PTPN13: variants seen among roughly 807,000 people sequenced by gnomAD.
PTPN13 encodes tyrosine-protein phosphatase non-receptor type 13.
PTPN13 carries 191 observed loss-of-function variants against 284.0 expected under a neutral mutation model. The ratio of observed to expected loss-of-function variants is 0.67; its 90% CI spans 0.60 to 0.76. PTPN13 has a LOEUF of 0.76. Ranked by LOEUF, PTPN13 falls within the 30% of genes least tolerant of loss-of-function variation. PTPN13 has a pLI of 0.00. For synonymous variants in PTPN13, 986 were observed against 1,022.3 expected (o/e 0.96, Z 0.68); for missense variants, 2,797 against 2,939.9 (o/e 0.95, Z 1.12).
chr4:86,719,357 ATTTTCTT>A (rs1410401330), intron 9 of PTPN13, among the ~76,000 whole-genome samples: 1 of 152,008 alleles, frequency 6.6e-6, no homozygotes, highest in Admixed American at 6.5e-5. Context: ...TATGTACCAC[ATTTTCTT>A]TATACAATCT....
At chr4:86,728,625 T>A (rs1251371873) in intron 10 of PTPN13, among the ~76,000 whole-genome samples, 3 of 138,532 alleles carry the variant, frequency 2.2e-5, no homozygotes. Context: ...CATCAGAGAC[T>A]AGGATTGCAA....
chr4:86,781,724 C>T (rs950973230), intron 36 of PTPN13, among the ~76,000 whole-genome samples: 20 of 123,294 alleles, frequency 1.6e-4, no homozygotes, highest in Non-Finnish European at 2.6e-4. Flanking sequence ...CAGCACTTTG[C>T]GAGGCCGAGG....
At chr4:86,776,168 A>T (rs1326465988) in intron 35 of PTPN13, among the ~76,000 whole-genome samples, 4 of 152,050 alleles carry the variant, frequency 2.6e-5, no homozygotes, top group Admixed American at 6.6e-5. Context: ...CTGGTCTCGA[A>T]CTCCTGACCT....
intron 42 of PTPN13, among the ~76,000 whole-genome samples, chr4:86,800,412 T>A (rs1361666784): frequency 6.6e-6 from 1 of 151,980 alleles, no homozygotes; most frequent in Admixed American, 6.6e-5. Flanking sequence ...CCTAGCACTT[T>A]GGGAGGCCAA....
At chr4:86,805,252 A>C (rs963584286) in intron 43 of PTPN13, 27 bp from the exon 44 acceptor site, 2 of 1,470,960 alleles carry the variant, frequency 1.4e-6, no homozygotes. Context: ...TTATCTCAAC[A>C]AATTTATTTC....
intron 12 of PTPN13, among the ~76,000 whole-genome samples, chr4:86,733,632 C>CT (rs1189926658): frequency 6.6e-6 from 1 of 152,036 alleles, no homozygotes; most frequent in Non-Finnish European, 1.5e-5. Flanking sequence ...TGTTCTATCA[C>CT]TTTACTAGTT....
intron 2 of PTPN13, among the ~76,000 whole-genome samples, chr4:86,669,708 G>T (rs1032686090): frequency 1.3e-5 from 2 of 152,076 alleles, no homozygotes; most frequent in Non-Finnish European, 2.9e-5. Context: ...GCCTTTTCTG[G>T]TCTGGGTGGA....
intron 23 of PTPN13, among the ~76,000 whole-genome samples, chr4:86,761,693 A>G (rs111252925): frequency 2.6e-5 from 4 of 152,214 alleles, no homozygotes; most frequent in African/African-American, 7.2e-5. Context: ...TACTATTTGT[A>G]TTTTACTCTG....
At chr4:86,600,199 A>G (rs1764173369) in intron 1 of PTPN13, among the ~76,000 whole-genome samples, 1 of 152,122 alleles carries the variant, frequency 6.6e-6, no homozygotes, top group African/African-American at 2.4e-5. Context: ...TTTGGAAGCT[A>G]AGACTGTGTC....
chr4:86,751,168 TC>T, intron 19 of PTPN13, 44 bp downstream of exon 19: 1 of 1,346,256 alleles, frequency 7.4e-7, no homozygotes, highest in Non-Finnish European at 1.0e-6. Flanking sequence ...TACCTCATGC[TC>T]AGAGGGAAGT....
intron 7 of PTPN13, among the ~76,000 whole-genome samples, chr4:86,716,043 CATTTCAAATTCTT>C (rs760851853): frequency 1.2e-4 from 18 of 152,216 alleles, no homozygotes; most frequent in Non-Finnish European, 2.5e-4. Context: ...TTGTCTTCCA[CATTTCAAATTCTT>C]TGAGATTGTT....
intron 40 of PTPN13, among the ~76,000 whole-genome samples, chr4:86,790,608 CAGG>C (rs1384859475): frequency 6.6e-6 from 1 of 152,098 alleles, no homozygotes; most frequent in Non-Finnish European, 1.5e-5. Flanking sequence ...AAAACATCTT[CAGG>C]AGGAGAAGAC....
chr4:86,634,498 A>G (rs899051820), intron 1 of PTPN13, among the ~76,000 whole-genome samples: 30 of 152,194 alleles, frequency 2.0e-4, no homozygotes, highest in African/African-American at 6.5e-4. Flanking sequence ...AAATTTCAGC[A>G]CAGACACTTA....
At chr4:86,666,538 G>A (rs1338831993) in intron 2 of PTPN13, among the ~76,000 whole-genome samples, 2 of 152,126 alleles carry the variant, frequency 1.3e-5, no homozygotes, top group African/African-American at 4.8e-5. Context: ...GATCTTTAGG[G>A]AAATTATAAT....
chr4:86,760,638 G>C (rs1467693967), intron 23 of PTPN13, among the ~76,000 whole-genome samples: 1 of 152,112 alleles, frequency 6.6e-6, no homozygotes, highest in Non-Finnish European at 1.5e-5. Flanking sequence ...TTAACAAGAG[G>C]CCCAAGGTGC....
chr4:86,762,607 A>G, intron 23 of PTPN13, 120 bp from the exon 24 acceptor site: 1 of 765,534 alleles, frequency 1.3e-6, no homozygotes, highest in Non-Finnish European at 2.1e-6. Flanking sequence ...ACATGACCTA[A>G]TGGTGTTTTG....
intron 1 of PTPN13, among the ~76,000 whole-genome samples, chr4:86,629,593 T>G (rs1208468032): frequency 6.6e-6 from 1 of 152,188 alleles, no homozygotes; most frequent in South Asian, 2.1e-4. Context: ...GTTTTTCTAA[T>G]CTGGGTCATG....
At chr4:86,761,139 A>ATATATATAT (rs1738622051) in intron 23 of PTPN13, among the ~76,000 whole-genome samples, 4 of 120,694 alleles carry the variant, frequency 3.3e-5, no homozygotes, top group East Asian at 2.6e-4. Flanking sequence ...TGTGTGTGTA[A>ATATATATAT]ATATATATAT....
intron 7 of PTPN13, among the ~76,000 whole-genome samples, chr4:86,703,598 G>C (rs1441110160): frequency 6.6e-6 from 1 of 152,090 alleles, no homozygotes; most frequent in Non-Finnish European, 1.5e-5. Context: ...CAGGCATGGT[G>C]GGTCACACCT....
Sources: gnomAD v4.1 joint callset for allele counts (sites outside exome capture counted in the v4.1 genomes callset) on GRCh38, gnomAD v4.1.1 for gene constraint, MANE v1.5 for transcripts, NCBI Gene and HGNC (gene_info 2026-07-23, HGNC 2026-07-21) for gene names.